ST7: variants seen among roughly 807,000 people sequenced by gnomAD.
ST7 encodes suppression of tumorigenicity 7.
In ST7, 28 loss-of-function variants were observed where a neutral mutation model predicts 78.7. The ratio of observed to expected loss-of-function variants is 0.36; its 90% CI spans 0.26 to 0.49. ST7 has a LOEUF of 0.49. Ranked by LOEUF, ST7 falls within the 20% of genes least tolerant of loss-of-function variation. The pLI, the probability that ST7 is intolerant of heterozygous loss-of-function variation, is 0.99. For missense variants in ST7, 418 were observed against 696.0 expected, an observed-to-expected ratio of 0.60 and a Z score of 4.49; for synonymous variants, 247 against 249.6, an observed-to-expected ratio of 0.99 and a Z score of 0.10.
chr7:117,080,456 T>G (rs1219236532), intron 1 of ST7, among the ~76,000 whole-genome samples: 1 of 152,196 alleles, frequency 6.6e-6, no homozygotes, highest in Non-Finnish European at 1.5e-5. Context: ...TATTTAACCA[T>G]TTTTCTTGTT....
chr7:117,126,462 C>T (rs1803857241), intron 3 of ST7, among the ~76,000 whole-genome samples: 1 of 151,838 alleles, frequency 6.6e-6, no homozygotes, highest in Non-Finnish European at 1.5e-5. Flanking sequence ...TGTAGAGCTT[C>T]TTCAGGTGGG....
intron 1 of ST7, among the ~76,000 whole-genome samples, chr7:117,024,100 C>T (rs1026180540): frequency 1.3e-5 from 2 of 152,064 alleles, no homozygotes; most frequent in African/African-American, 4.8e-5. Flanking sequence ...AGGTGTAAGC[C>T]ACCACACCTG....
At chr7:116,991,557 T>C (rs1794429515) in intron 1 of ST7, among the ~76,000 whole-genome samples, 1 of 152,146 alleles carries the variant, frequency 6.6e-6, no homozygotes, top group African/African-American at 2.4e-5. Flanking sequence ...ACCGCCCCCA[T>C]GATTCAAATT....
chr7:117,003,092 G>A (rs1292280945), intron 1 of ST7, among the ~76,000 whole-genome samples: 1 of 151,494 alleles, frequency 6.6e-6, no homozygotes, highest in African/African-American at 2.4e-5. Flanking sequence ...CCAAAGTGCT[G>A]GGATTACAGG....
intron 1 of ST7, chr7:117,098,699 T>C (rs1430886293): frequency 1.8e-6 from 2 of 1,094,952 alleles, no homozygotes; most frequent in African/African-American, 3.3e-5. Flanking sequence ...TCAGGACAGA[T>C]GCCAAAGCCT....
In ST7 at chr7:116,966,302, G is replaced by T. The variant is rs2116213661; in HGVS notation, c.151+12611G>T. ...GTCTTCCTCTGTCACCAGGGCTGGA[G>T]TGCAGTGGCATGATCTTGGCTCACT... On this transcript the variant is annotated intron_variant, in intron 1 of 15. Transcript: ENST00000323984. Among the ~76,000 whole-genome samples, 2 of 144,650 alleles carry T rather than the reference G, an allele frequency of 1.4e-5. 1 individual carries two copies. The highest frequency in any genetic ancestry group is 4.4e-4 in the South Asian group (2 of 4,568). The allele number at this position is 144,650 out of a possible 152,430, so 94.9% of individuals were successfully genotyped here. A position where few individuals can be genotyped will look rare whatever the true frequency, so the allele number is the denominator to read the frequency against.
chr7:117,074,506 AC>A (rs879783895), intron 1 of ST7, among the ~76,000 whole-genome samples: 6 of 147,778 alleles, frequency 4.1e-5, no homozygotes, highest in Admixed American at 2.0e-4. Context: ...GTTTATGGCG[AC>A]CCCCCTCACC....
At chr7:117,129,228 C>T (rs1024395208) in intron 3 of ST7, among the ~76,000 whole-genome samples, 2 of 151,798 alleles carry the variant, frequency 1.3e-5, no homozygotes, top group African/African-American at 4.8e-5. Context: ...GAGACAATTT[C>T]TTTTAATTGC....
chr7:116,972,316 C>G (rs74819029), intron 1 of ST7: 22,169 of 587,196 alleles, frequency 0.038, 785 homozygotes, highest in East Asian at 0.15. Context: ...ACGGGCCTCT[C>G]CCTCCTTGAA....
Position 117,132,625 on chromosome 7 carries a change from C to G in ST7, c.641+665C>G, listed in dbSNP as rs548149066. Among the ~76,000 whole-genome samples, 3 of 150,862 alleles carry G rather than the reference C, an allele frequency of 2.0e-5. No individual in the cohort carries two copies. In the East Asian group the frequency reaches 5.9e-4, roughly 30 times the overall value. On this transcript the variant is annotated intron_variant, in intron 6 of 15. Coordinates refer to ENST00000323984, the MANE Select transcript of ST7 (RefSeq NM_001369598.1). ...TCCTTGCCAAGTGGTCATTGTTAAA[C>G]TATTTTATGATTTTTCTGAAGAAGG...
At position 117,202,053 on chromosome 7, in the gene ST7, C is replaced by T. The variant is rs1429325476; in HGVS notation, c.1255-7734C>T. Among the ~76,000 whole-genome samples the T allele has an allele frequency of 7.4e-5, 2 of 27,130 alleles. 1 individual carries two copies. Among genetic ancestry groups the T allele is most frequent in the African/African-American group, 1.9e-4 (2 of 10,492 alleles). 17.8% of individuals were successfully genotyped at this position (27,130 alleles called of 152,430 possible). ...TTGGCTCACTGCAAGCTCCGCCTCC[C>T]GGGTTCACGCCATTCTCCTGCCTCA... On this transcript the variant is annotated intron_variant, in intron 12 of 15. Transcript: ENST00000323984.
intron 1 of ST7, chr7:117,020,509 A>G (rs1795837338): frequency 6.9e-7 from 1 of 1,440,670 alleles, no homozygotes; most frequent in African/African-American, 1.4e-5. Flanking sequence ...TAGCCGGCTC[A>G]TCTCTTCACT....
At chr7:117,225,564 G>A (rs1793385324) in intron 15 of ST7, among the ~76,000 whole-genome samples, 1 of 152,008 alleles carries the variant, frequency 6.6e-6, no homozygotes, top group Non-Finnish European at 1.5e-5. Flanking sequence ...TCTTCACCCT[G>A]GTCACTTCAT....
intron 9 of ST7, among the ~76,000 whole-genome samples, chr7:117,160,243 AAAAG>A (rs915033233): frequency 6.0e-4 from 91 of 150,488 alleles, no homozygotes; most frequent in South Asian, 1.1e-3. Context: ...AAAAAAAAAA[AAAAG>A]AAAGAAAGAA....
chr7:117,183,831 A>C (rs1727148730), intron 10 of ST7, among the ~76,000 whole-genome samples: 1 of 152,380 alleles, frequency 6.6e-6, no homozygotes, highest in East Asian at 1.9e-4. Flanking sequence ...ATAATAGTCC[A>C]AAGTGGGAAA....
chr7:117,186,753 C>T (rs1013085777), intron 10 of ST7, among the ~76,000 whole-genome samples: 1 of 152,172 alleles, frequency 6.6e-6, no homozygotes, highest in African/African-American at 2.4e-5. Flanking sequence ...TCATTCAGTA[C>T]CTTTCCACCG....
At chr7:117,089,958 T>G (rs191014254) in intron 1 of ST7, among the ~76,000 whole-genome samples, 1 of 152,246 alleles carries the variant, frequency 6.6e-6, no homozygotes, top group Non-Finnish European at 1.5e-5. Context: ...CAGTCAAAGA[T>G]TGAAATATGT....
intron 1 of ST7, among the ~76,000 whole-genome samples, chr7:117,007,243 T>G (rs1584435762): frequency 6.6e-6 from 1 of 152,306 alleles, no homozygotes; most frequent in East Asian, 1.9e-4. Flanking sequence ...AAAGTGCTAC[T>G]CCAATGAACA....
chr7:117,217,143 A>G (rs1792749794), intron 13 of ST7, among the ~76,000 whole-genome samples: 1 of 152,188 alleles, frequency 6.6e-6, no homozygotes, highest in Non-Finnish European at 1.5e-5. Flanking sequence ...CTGAAGTGCA[A>G]ACTGACTTCA....
Sources: allele counts gnomAD v4.1 joint callset (sites outside exome capture counted in the v4.1 genomes callset), GRCh38; gene constraint gnomAD v4.1.1; transcripts MANE v1.5; gene names NCBI Gene and HGNC (gene_info 2026-07-23, HGNC 2026-07-21).